Variants in MGAT4C observed in about 807,000 individuals in gnomAD.
The protein encoded by MGAT4C is MGAT4 family member C, also known as alpha-1,3-mannosyl-glycoprotein 4-beta-N-acetylglucosaminyltransferase C.
Under a neutral mutation model 40.1 loss-of-function variants are expected in MGAT4C, and 19 were observed. The observed-to-expected ratio is 0.47, with a 90% CI of 0.33 to 0.70. MGAT4C has a LOEUF of 0.70. MGAT4C is among the 30% of genes least tolerant of loss of function. The pLI, the probability that MGAT4C is intolerant of heterozygous loss-of-function variation, is 0.02. For missense variants in MGAT4C, 491 were observed against 563.2 expected (o/e 0.87, Z 1.30); for synonymous variants, 181 against 187.1 (o/e 0.97, Z 0.27).
intron 1 of MGAT4C, among the ~76,000 whole-genome samples, chr12:86,080,068 A>T (rs1471165679): frequency 6.6e-6 from 1 of 152,076 alleles, no homozygotes; most frequent in African/African-American, 2.4e-5. Context: ...CTAGAGGGCC[A>T]TAGCTAAGAT....
rs572054137 is a variant in MGAT4C at position 86,026,012 on chromosome 12, T to C, written c.-7+23662A>G. ...GATACATTATGATTAATACTTATAA[T>C]ACTATAGATACATCCTGCAGTTATG... On this transcript the variant is annotated intron_variant, in intron 2 of 4. Transcript: ENST00000611864. 2.6e-5 allele frequency among the ~76,000 whole-genome samples: 4 copies of C among 151,944 alleles called. No individual in the cohort carries two copies. In the South Asian group the frequency reaches 8.3e-4, roughly 31 times the overall value.
At chr12:86,439,285 C>T (rs1267849736) in intron 2 of MGAT4C, among the ~76,000 whole-genome samples, 1 of 151,940 alleles carries the variant, frequency 6.6e-6, no homozygotes, top group South Asian at 2.1e-4. Context: ...TCTTCTCAAA[C>T]CATAGCAGAA....
At position 85,972,679 on chromosome 12, in the gene MGAT4C, A is replaced by G. The variant is rs1045890789; in HGVS notation, c.*6610T>C. Reference sequence around the variant, plus strand: ...AATGCAAGTGTTACTTGTATTGAAAACCGGATTACATTAAAGGATGGACAA... The same window carrying G: ...AATGCAAGTGTTACTTGTATTGAAAGCCGGATTACATTAAAGGATGGACAA... On this transcript the variant is annotated 3_prime_UTR_variant, in exon 5 of 5. Transcript: ENST00000611864. 2.0e-5 allele frequency: 3 copies of G among 150,926 alleles called. No homozygotes were observed. Among genetic ancestry groups the G allele is most frequent in the African/African-American group, 7.3e-5 (3 of 41,296 alleles). The allele number at this position is 150,926 out of a possible 1,614,324, so 9.3% of individuals were successfully genotyped here.
intron 4 of MGAT4C, among the ~76,000 whole-genome samples, chr12:86,276,287 T>C (rs1953080010): frequency 6.6e-6 from 1 of 152,148 alleles, no homozygotes; most frequent in Non-Finnish European, 1.5e-5. Flanking sequence ...CAATTTTTAA[T>C]TTTGTAGGTA....
intron 4 of MGAT4C, among the ~76,000 whole-genome samples, chr12:86,294,604 G>A (rs746385070): frequency 2.6e-4 from 40 of 151,994 alleles, no homozygotes; most frequent in Non-Finnish European, 3.8e-4. Context: ...TTCTGCAACT[G>A]TACAAAATTG....
At chr12:86,108,983 AT>A (rs892495807) in intron 1 of MGAT4C, among the ~76,000 whole-genome samples, 1 of 152,042 alleles carries the variant, frequency 6.6e-6, no homozygotes, top group African/African-American at 2.4e-5. Context: ...ATAAATTATT[AT>A]TTTTTTAAAG....
At chr12:86,690,710 C>A (rs1463436678) in intron 2 of MGAT4C, among the ~76,000 whole-genome samples, 2 of 152,156 alleles carry the variant, frequency 1.3e-5, no homozygotes, top group Non-Finnish European at 2.9e-5. Flanking sequence ...CTGCTTTGGT[C>A]TCACTAGGAA....
At chr12:86,711,035 C>T (rs558199163) in intron 2 of MGAT4C, among the ~76,000 whole-genome samples, 1 of 151,588 alleles carries the variant, frequency 6.6e-6, no homozygotes, top group African/African-American at 2.4e-5. Flanking sequence ...GACTTAGATG[C>T]GGAAGGGTGG....
intron 2 of MGAT4C, among the ~76,000 whole-genome samples, chr12:86,701,625 C>A (rs570039513): frequency 6.6e-6 from 1 of 152,096 alleles, no homozygotes; most frequent in Non-Finnish European, 1.5e-5. Context: ...CTATAATGAT[C>A]TCTAAGGGTT....
intron 3 of MGAT4C, among the ~76,000 whole-genome samples, chr12:86,362,840 C>G (rs1214848832): frequency 5.6e-5 from 7 of 124,044 alleles, no homozygotes; most frequent in African/African-American, 1.9e-4. Context: ...GCACTCCCGC[C>G]TGGGTGACAG....
chr12:86,451,820 C>T (rs117287550), intron 2 of MGAT4C, among the ~76,000 whole-genome samples: 1 of 152,024 alleles, frequency 6.6e-6, no homozygotes, highest in Non-Finnish European at 1.5e-5. Flanking sequence ...TTATGGTTAT[C>T]AAAAATTTCA....
rs943623497 is a variant in MGAT4C at position 85,957,822 on chromosome 12, T to A, written c.*21467A>T. Reference sequence around the variant, plus strand: ...ATGCATTTAATAATAGTTTAAGATATTAAATAATTAAATAGGTAATGGGAA... The same window carrying A: ...ATGCATTTAATAATAGTTTAAGATAATAAATAATTAAATAGGTAATGGGAA... On this transcript the variant is annotated 3_prime_UTR_variant, in exon 5 of 5. Coordinates refer to ENST00000611864, the MANE Select transcript of MGAT4C (RefSeq NM_001351288.2). 1.2e-4 allele frequency: 16 copies of A among 132,274 alleles called. No homozygotes were observed. Among genetic ancestry groups the A allele is most frequent in the Non-Finnish European group, 2.7e-4 (15 of 55,996 alleles). The allele number at this position is 132,274 out of a possible 1,614,324, so 8.2% of individuals were successfully genotyped here. A position where few individuals can be genotyped will look rare whatever the true frequency, so the allele number is the denominator to read the frequency against.
chr12:86,769,122 G>A (rs1351482068), intron 1 of MGAT4C, among the ~76,000 whole-genome samples: 1 of 152,076 alleles, frequency 6.6e-6, no homozygotes, highest in African/African-American at 2.4e-5. Flanking sequence ...CTACCTATCT[G>A]ACAAAGGGCT....
intron 1 of MGAT4C, among the ~76,000 whole-genome samples, chr12:86,238,798 G>A (rs969457418): frequency 2.0e-5 from 3 of 152,008 alleles, no homozygotes; most frequent in African/African-American, 7.2e-5. Flanking sequence ...GACAATGAAT[G>A]TGAAAGCCTT....
intron 4 of MGAT4C, among the ~76,000 whole-genome samples, chr12:86,283,355 C>A (rs1412019375): frequency 6.6e-6 from 1 of 151,860 alleles, no homozygotes; most frequent in Non-Finnish European, 1.5e-5. Flanking sequence ...GCTAGCCTGT[C>A]ATGGACATAA....
chr12:86,634,043 G>T, intron 2 of MGAT4C, among the ~76,000 whole-genome samples: 1 of 151,934 alleles, frequency 6.6e-6, no homozygotes, highest in East Asian at 1.9e-4. Context: ...ATTAAATGGA[G>T]CTTATTGTAA....
intron 2 of MGAT4C, among the ~76,000 whole-genome samples, chr12:86,484,078 A>C (rs1957979335): frequency 1.3e-5 from 2 of 151,800 alleles, no homozygotes; most frequent in South Asian, 4.2e-4. Flanking sequence ...GGTGAGGTGG[A>C]CCACTCTCAC....
rs1883490766 is a variant in MGAT4C, at chr12:85,969,005, A to G, written c.*10284T>C. On this transcript the variant is annotated 3_prime_UTR_variant, in exon 5 of 5. Coordinates refer to ENST00000611864, the MANE Select transcript of MGAT4C (RefSeq NM_001351288.2). The stretch of plus-strand genomic sequence containing the variant: ...CTGTTTTAATACTTCATAGACTTGT[A>G]AGGATGTAATGTAGTGTTTCTAAAA... The G allele has an allele frequency of 6.6e-6, 1 of 151,874 alleles. No homozygotes were observed. 9.4% of individuals were successfully genotyped at this position (151,874 alleles called of 1,614,324 possible). A position where few individuals can be genotyped will look rare whatever the true frequency, so the allele number is the denominator to read the frequency against.
At chr12:86,013,288 C>T (rs1888702512) in intron 2 of MGAT4C, among the ~76,000 whole-genome samples, 1 of 152,088 alleles carries the variant, frequency 6.6e-6, no homozygotes, top group Admixed American at 6.6e-5. Context: ...GAGTCTTGCT[C>T]TATCGCCCAG....
Sources: allele counts gnomAD v4.1 joint callset (sites outside exome capture counted in the v4.1 genomes callset), GRCh38; gene constraint gnomAD v4.1.1; transcripts MANE v1.5; gene names NCBI Gene and HGNC (gene_info 2026-07-23, HGNC 2026-07-21).